Variants in CACNA1G observed in about 807,000 individuals in gnomAD.
The protein encoded by CACNA1G is calcium voltage-gated channel subunit alpha1 G.
A neutral mutation model predicts 219.4 loss-of-function variants in CACNA1G; 67 were observed. That is an observed-to-expected ratio of 0.31 (90% CI 0.25 to 0.37). The LOEUF (loss-of-function observed/expected upper bound fraction) is 0.37, where lower values mean the gene tolerates loss of function less well. CACNA1G is among the 10% of genes least tolerant of loss of function. CACNA1G has a pLI of 1.00. For missense variants in CACNA1G, 2,380 were observed against 3,231.4 expected (o/e 0.74, Z 6.39); for synonymous variants, 1,296 against 1,345.3 (o/e 0.96, Z 0.80).
At chr17:50,570,737 G>C (rs959079842) in intron 4 of CACNA1G, among the ~76,000 whole-genome samples, 2 of 152,096 alleles carry the variant, frequency 1.3e-5, no homozygotes, top group South Asian at 4.2e-4. Context: ...ATAGGCCTCT[G>C]TCTAACCACC....
At chr17:50,574,403 A>G (rs955700609) in intron 7 of CACNA1G, among the ~76,000 whole-genome samples, 1 of 152,264 alleles carries the variant, frequency 6.6e-6, no homozygotes, top group Admixed American at 6.5e-5. Context: ...GAGAAAGAGC[A>G]AGTCCCCAAG....
In CACNA1G at chr17:50,577,427, C is replaced by T. The variant is rs143365319; in HGVS notation, c.1925-761C>T. 2.9e-4 allele frequency among the ~76,000 whole-genome samples: 44 copies of T among 149,362 alleles called. No individual in the cohort carries two copies. In the East Asian group the frequency reaches 8.3e-3, roughly 28 times the overall value. On this transcript the variant is annotated intron_variant, in intron 8 of 37. Transcript: ENST00000359106. Reference sequence around the variant, plus strand: ...GACATTGATGTCTTGGGCTAGGTCCCTGAGTGTGTGCGCACGAGTGCATCT... The same window carrying T: ...GACATTGATGTCTTGGGCTAGGTCCTTGAGTGTGTGCGCACGAGTGCATCT...
At position 50,599,643 on chromosome 17, in the gene CACNA1G, T is replaced by G. The variant is rs2046220813; in HGVS notation, c.3474T>G (p.His1158Gln). The change falls in exon 17 of 38, where the codon CAT (histidine) becomes CAG (glutamine). Residue 1158 changes from histidine (H) to glutamine (Q), a missense_variant. Coordinates refer to ENST00000359106, the MANE Select transcript of CACNA1G (RefSeq NM_018896.5). Reference protein sequence around the residue: ...EERASPAGSDHRHRGSLEREA... With the variant: ...EERASPAGSDQRHRGSLEREA... ...GGGCCAGCCCTGCGGGCAGTGACCA[T>G]CGCCACAGGGGGTCCCTGGAGCGGG... is the stretch of plus-strand genomic sequence containing the variant. 4 of 1,613,022 alleles carry G rather than the reference T, an allele frequency of 2.5e-6. No homozygotes were observed. The highest frequency in any genetic ancestry group is 2.2e-5 in the East Asian group (1 of 44,860).
At chr17:50,624,306 C>T in intron 36 of CACNA1G, 54 bp from the exon 37 acceptor site, 1 of 1,457,532 alleles carries the variant, frequency 6.9e-7, no homozygotes, top group Non-Finnish European at 9.4e-7. Flanking sequence ...CTCCCCTGAA[C>T]CCTCCAGCTC....
intron 27 of CACNA1G, 59 bp downstream of exon 27, chr17:50,615,571 C>A: frequency 6.4e-7 from 1 of 1,573,864 alleles, no homozygotes; most frequent in East Asian, 2.3e-5. Flanking sequence ...AACCTCTGGG[C>A]AAGGTTAACA....
chr17:50,590,399 C>G lies in CACNA1G; in HGVS notation c.2302-72C>G. The G allele has an allele frequency of 5.2e-6, 8 of 1,531,330 alleles. No individual in the cohort carries two copies. In the South Asian group the frequency reaches 9.0e-5, roughly 17 times the overall value. The allele number at this position is 1,531,330 out of a possible 1,614,324, so 94.9% of individuals were successfully genotyped here. Reference sequence around the variant, plus strand: ...TTCCTGCTCCTCCTCTCCCTGGTGTCCCATGTTTGGAGGACTGGATCGAGG... The same window carrying G: ...TTCCTGCTCCTCCTCTCCCTGGTGTGCCATGTTTGGAGGACTGGATCGAGG... On this transcript the variant is annotated intron_variant, in intron 9 of 37. Coordinates refer to ENST00000359106, the MANE Select transcript of CACNA1G (RefSeq NM_018896.5).
At position 50,617,814 on chromosome 17, in the gene CACNA1G, C is replaced by A; in HGVS notation, c.5156-45C>A. 1.9e-6 allele frequency: 3 copies of A among 1,601,288 alleles called. No homozygotes were observed. The South Asian group carries it at 3.3e-5, about 18-fold the overall frequency. Reference sequence around the variant, plus strand: ...GTCCTGACTCTGCCAGCTGTCTGGCCGGGGACCCAAAGAGGCCAGCTCATG... The same window carrying A: ...GTCCTGACTCTGCCAGCTGTCTGGCAGGGGACCCAAAGAGGCCAGCTCATG... On this transcript the variant is annotated intron_variant, in intron 29 of 37. Coordinates refer to ENST00000359106, the MANE Select transcript of CACNA1G (RefSeq NM_018896.5). The surrounding 1 kb of genome is among the most constrained non-coding windows in gnomAD (Gnocchi z 5.8).
At chr17:50,604,010 G>T (rs909684364) in intron 21 of CACNA1G, 145 bp from the exon 22 acceptor site, 15 of 705,304 alleles carry the variant, frequency 2.1e-5, no homozygotes, top group African/African-American at 1.8e-4. Flanking sequence ...GATGGCAGGG[G>T]TCCCATGAAA....
chr17:50,561,726 G>T, intron 1 of CACNA1G, 25 bp downstream of exon 1: 1 of 1,539,934 alleles, frequency 6.5e-7, no homozygotes, highest in Non-Finnish European at 8.7e-7. Flanking sequence ...ACGACGGCCA[G>T]GCGCGGGGTC....
chr17:50,587,005 C>T (rs999839338), intron 9 of CACNA1G, among the ~76,000 whole-genome samples: 9 of 152,110 alleles, frequency 5.9e-5, no homozygotes, highest in African/African-American at 2.2e-4. Flanking sequence ...TTCACCGAAA[C>T]CTCCACTGGG....
chr17:50,609,999 T>G (rs1468068222), intron 26 of CACNA1G, 64 bp downstream of exon 26: 1 of 1,486,964 alleles, frequency 6.7e-7, no homozygotes, highest in Non-Finnish European at 9.3e-7. Flanking sequence ...TCCCCGTGGC[T>G]CATTGATTCT....
chr17:50,605,813 G>A, intron 22 of CACNA1G, 85 bp from the exon 23 acceptor site: 1 of 1,485,086 alleles, frequency 6.7e-7, no homozygotes, highest in Non-Finnish European at 9.3e-7. Context: ...AATGTGCCCA[G>A]GCTGGCGTGG....
intron 1 of CACNA1G, among the ~76,000 whole-genome samples, chr17:50,566,578 C>G (rs2037935053): frequency 6.6e-6 from 1 of 151,896 alleles, no homozygotes. Flanking sequence ...AGAGGGGCAA[C>G]TCCTCTGTGA....
intron 22 of CACNA1G, among the ~76,000 whole-genome samples, chr17:50,604,989 G>A (rs1180555939): frequency 1.3e-5 from 2 of 151,838 alleles, no homozygotes; most frequent in African/African-American, 4.8e-5. Context: ...TGTCCACTCT[G>A]CCCTGGGTTG....
chr17:50,623,678 C>CGGCT (rs1276430776), intron 35 of CACNA1G, among the ~76,000 whole-genome samples: 1 of 152,024 alleles, frequency 6.6e-6, no homozygotes, highest in Non-Finnish European at 1.5e-5. Flanking sequence ...CAGACTCTCC[C>CGGCT]GGCTGCCCAG....
rs1598464101 is a variant in CACNA1G, at chr17:50,599,804, T to C, written c.3635T>C (p.Leu1212Pro). Residue 1212 changes from leucine (L) to proline (P), a missense_variant, in exon 17 of 38, where the codon CTG becomes CCG. By Grantham distance (98) the Leu-to-Pro change is moderately conservative. Transcript: ENST00000359106. The stretch of plus-strand genomic sequence containing the variant: ...GCTTCAGGGCGCCTGGCCCGGGCCC[T>C]GCGGCCTGATGACCCCCCACTGGAT... The part of the protein sequence containing the change: ...KSASGRLARA[L>P]RPDDPPLDGD... 6.2e-7 allele frequency: 1 copy of C among 1,612,116 alleles called. No individual in the cohort carries two copies. The highest frequency in any genetic ancestry group is 8.5e-7 in the Non-Finnish European group (1 of 1,179,830).
rs1201457960 is a variant in CACNA1G, at chr17:50,596,072, CGGGCTG to C, written c.2980-489_2980-484del. ...CACCGAGGGACTGAAGTGGCGTCCTCGGGCTGAGCTGTTCTGTCTGGGGTCTTTCAA... is the reference window on the plus strand; with the variant it reads ...CACCGAGGGACTGAAGTGGCGTCCTCAGCTGTTCTGTCTGGGGTCTTTCAA... On this transcript the variant is annotated intron_variant, in intron 14 of 37. Transcript: ENST00000359106. This position sits in a 1 kb window ranked among gnomAD's most constrained non-coding sequence, Gnocchi z 4.8. Among the ~76,000 whole-genome samples, 9 of 152,064 alleles carry C rather than the reference CGGGCTG, an allele frequency of 5.9e-5. No homozygotes were observed. Among genetic ancestry groups the C allele is most frequent in the Non-Finnish European group, 1.3e-4 (9 of 67,992 alleles).
chr17:50,624,327 C>CCCCCCCCCTCCCCCCCCT, intron 36 of CACNA1G, 33 bp from the exon 37 acceptor site: 1 of 1,098,676 alleles, frequency 9.1e-7, no homozygotes, highest in Non-Finnish European at 1.4e-6. Context: ...CATTCTCTCC[C>CCCCCCCCCTCCCCCCCCT]CCCACCCCTC....
rs1361826506 is a variant in CACNA1G, at chr17:50,599,454, C to T, written c.3285C>T (p.Ser1095=). 6 of 1,566,642 alleles carry T rather than the reference C, an allele frequency of 3.8e-6. No homozygotes were observed. In the South Asian group the frequency reaches 4.7e-5, roughly 12 times the overall value. ...CCAGCGCCCGCAGCTCTCCGCACAGCCCCTGGAGCGCTGCAAGCAGCTGGA... is the reference window on the plus strand; with the variant it reads ...CCAGCGCCCGCAGCTCTCCGCACAGTCCCTGGAGCGCTGCAAGCAGCTGGA... ...SPPSARSSPH[S]PWSAASSWTS... is the part of the protein sequence containing the mutation. The change falls in exon 17 of 38, where the codon AGC becomes AGT. Residue 1095 remains serine, a synonymous_variant. Coordinates refer to ENST00000359106, the MANE Select transcript of CACNA1G (RefSeq NM_018896.5).
Sources: gnomAD v4.1 joint callset for allele counts (sites outside exome capture counted in the v4.1 genomes callset) on GRCh38, gnomAD v4.1.1 for gene constraint, Gnocchi (gnomAD v3.1) non-coding constraint, MANE v1.5 for transcripts, NCBI Gene and HGNC (gene_info 2026-07-23, HGNC 2026-07-21) for gene names.